The following PRUNE2 variants were observed in gnomAD, a reference collection of about 807,000 sequenced individuals.
The protein encoded by PRUNE2 is protein prune homolog 2.
In PRUNE2, 164 loss-of-function variants were observed where a neutral mutation model predicts 252.0. The ratio of observed to expected loss-of-function variants is 0.65; its 90% CI spans 0.57 to 0.74. The LOEUF (loss-of-function observed/expected upper bound fraction) is 0.74. Among genes scored for constraint, PRUNE2 ranks in the 30% least tolerant of loss-of-function variants. The pLI, the probability that PRUNE2 is intolerant of heterozygous loss-of-function variation, is 0.00. For missense variants in PRUNE2, 3,495 were observed against 3,711.0 expected, an observed-to-expected ratio of 0.94 and a Z score of 1.51; for synonymous variants, 1,292 against 1,350.2, an observed-to-expected ratio of 0.96 and a Z score of 0.94.
chr9:76,641,929 C>T (rs1376510635), intron 12 of PRUNE2: 6 of 1,522,894 alleles, frequency 3.9e-6, no homozygotes, highest in Non-Finnish European at 5.3e-6. Flanking sequence ...TCTCCTCATT[C>T]TTTCCAGGGT....
At chr9:76,655,228 G>A (rs1198472968) in intron 10 of PRUNE2, among the ~76,000 whole-genome samples, 195 bp downstream of exon 10, 1 of 152,162 alleles carries the variant, frequency 6.6e-6, no homozygotes. Context: ...CCACACTAGC[G>A]AGCATCAGTA....
At chr9:76,642,104 CAA>C in intron 12 of PRUNE2, 1 of 747,538 alleles carries the variant, frequency 1.3e-6, no homozygotes, top group Non-Finnish European at 2.1e-6. Context: ...GCTCCAAGTT[CAA>C]AAAAAAAGCC....
At chr9:76,810,564 T>A (rs756924810) in intron 6 of PRUNE2, among the ~76,000 whole-genome samples, 1 of 152,196 alleles carries the variant, frequency 6.6e-6, no homozygotes. Flanking sequence ...TGACCTGTAA[T>A]AATCCACTCT....
intron 16 of PRUNE2, chr9:76,627,912 C>A: frequency 2.6e-6 from 1 of 377,746 alleles, no homozygotes; most frequent in South Asian, 2.0e-5. Context: ...ATATCATAGA[C>A]ACACATTACA....
At chr9:76,638,095 C>T in intron 13 of PRUNE2, 91 bp downstream of exon 13, 1 of 794,868 alleles carries the variant, frequency 1.3e-6, no homozygotes, top group Non-Finnish European at 2.1e-6. Flanking sequence ...GAACATTCTA[C>T]ATCATCTATT....
At position 76,612,592 on chromosome 9, in the gene PRUNE2, T is replaced by G. The variant is rs560421767; in HGVS notation, c.*1978A>C. 3.3e-5 allele frequency: 5 copies of G among 151,304 alleles called. No individual in the cohort carries two copies. The highest frequency in any genetic ancestry group is 3.3e-3 in the Middle Eastern group (1 of 304). The allele number at this position is 151,304 out of a possible 1,614,324, so 9.4% of individuals were successfully genotyped here. The stretch of plus-strand genomic sequence containing the variant: ...AGTGGAGGTGGGCTGTGGGAGGGGG[T>G]GGGCTGTAGGGTTTTTCTGTCCAAC... On this transcript the variant is annotated 3_prime_UTR_variant, in exon 19 of 19. Transcript: ENST00000376718.
At chr9:76,655,607 A>AAAAT in intron 9 of PRUNE2, 105 bp from the exon 10 acceptor site, 2 of 824,242 alleles carry the variant, frequency 2.4e-6, no homozygotes, top group South Asian at 2.9e-5. Context: ...CAACTCACTT[A>AAAAT]AAATAAACCA....
At chr9:76,694,754 C>T (rs1039012130) in intron 9 of PRUNE2, among the ~76,000 whole-genome samples, 20 of 113,684 alleles carry the variant, frequency 1.8e-4, no homozygotes, top group Middle Eastern at 5.2e-3. Context: ...TATACAAAGG[C>T]AGTTAAAAAA....
chr9:76,747,964 T>G (rs2050282614), intron 6 of PRUNE2, among the ~76,000 whole-genome samples: 1 of 152,040 alleles, frequency 6.6e-6, no homozygotes, highest in Non-Finnish European at 1.5e-5. Context: ...ATGGCTAATT[T>G]TTGTATTTTT....
At chr9:76,798,750 C>T (rs1018485114) in intron 6 of PRUNE2, among the ~76,000 whole-genome samples, 3 of 152,160 alleles carry the variant, frequency 2.0e-5, no homozygotes, top group Admixed American at 6.5e-5. Context: ...ATTATTAGAG[C>T]GTCCTTAAGC....
At chr9:76,649,821 C>T (rs1232963914) in intron 11 of PRUNE2, among the ~76,000 whole-genome samples, 1 of 152,118 alleles carries the variant, frequency 6.6e-6, no homozygotes, top group Admixed American at 6.6e-5. Flanking sequence ...CACAAATTTT[C>T]CATAAGCAAA....
intron 17 of PRUNE2, among the ~76,000 whole-genome samples, chr9:76,621,761 A>T (rs1832417318): frequency 6.6e-6 from 1 of 151,874 alleles, no homozygotes; most frequent in Admixed American, 6.6e-5. Flanking sequence ...AGCTCACTGC[A>T]ACCTTGAACT....
chr9:76,637,582 T>C (rs778697671), intron 13 of PRUNE2, 33 bp from the exon 14 acceptor site: 1 of 1,596,356 alleles, frequency 6.3e-7, no homozygotes, highest in East Asian at 2.2e-5. Flanking sequence ...ATGTTTTCAG[T>C]TCCCACATCC....
At chr9:76,690,625 G>A (rs1414447800) in intron 9 of PRUNE2, among the ~76,000 whole-genome samples, 1 of 152,178 alleles carries the variant, frequency 6.6e-6, no homozygotes, top group East Asian at 1.9e-4. Context: ...GTACCAAAGA[G>A]AGCACTAACC....
At chr9:76,636,231 T>G (rs1317708360) in intron 15 of PRUNE2, among the ~76,000 whole-genome samples, 3 of 152,204 alleles carry the variant, frequency 2.0e-5, no homozygotes, top group Non-Finnish European at 4.4e-5. Context: ...TCCGTGTTTA[T>G]AGCAAGCAAT....
chr9:76,758,720 A>G (rs1482740656), intron 6 of PRUNE2: 1 of 152,130 alleles, frequency 6.6e-6, no homozygotes, highest in Non-Finnish European at 1.5e-5. Context: ...CAATCCATAC[A>G]AGCATTTCTC....
chr9:76,631,198 G>A (rs146265427), intron 15 of PRUNE2, among the ~76,000 whole-genome samples: 7 of 152,252 alleles, frequency 4.6e-5, no homozygotes, highest in South Asian at 2.1e-4. Context: ...AGCTAAATAC[G>A]GTTTTGATAA....
chr9:76,872,526 T>A (rs1564479655), intron 1 of PRUNE2, among the ~76,000 whole-genome samples: 1 of 151,448 alleles, frequency 6.6e-6, no homozygotes, highest in Non-Finnish European at 1.5e-5. Context: ...GGCTGAAAAG[T>A]AGCAGGAGCC....
chr9:76,625,203 A>G, intron 16 of PRUNE2: 1 of 426,598 alleles, frequency 2.3e-6, no homozygotes, highest in Non-Finnish European at 4.4e-6. Flanking sequence ...CATTTGGGTC[A>G]GTGATGGACC....
Sources: gnomAD v4.1 joint callset for allele counts (sites outside exome capture counted in the v4.1 genomes callset) on GRCh38, gnomAD v4.1.1 for gene constraint, MANE v1.5 for transcripts, NCBI Gene and HGNC (gene_info 2026-07-23, HGNC 2026-07-21) for gene names.